HERC3: variants seen among roughly 807,000 people sequenced by gnomAD.
HERC3 encodes the protein probable E3 ubiquitin-protein ligase HERC3.
Under a neutral mutation model 129.9 loss-of-function variants are expected in HERC3, and 58 were observed. The observed-to-expected ratio is 0.45, with a 90% confidence interval of 0.36 to 0.56. HERC3 has a LOEUF of 0.56. HERC3 is among the 20% of genes least tolerant of loss of function. The probability of loss-of-function intolerance (pLI) is 0.00; values close to 1 mark genes in which losing one functional copy is unlikely to be tolerated. For missense variants in HERC3, 835 were observed against 1,244.2 expected (o/e 0.67, Z 4.95); for synonymous variants, 430 against 451.0 (o/e 0.95, Z 0.59).
chr4:88,625,848 A>G (rs1560690263), intron 3 of HERC3, among the ~76,000 whole-genome samples: 1 of 152,112 alleles, frequency 6.6e-6, no homozygotes. Context: ...TTTTTTTTAA[A>G]TAAAAAATTT....
At chr4:88,697,317 ATCC>A (rs1397593182) in intron 23 of HERC3, 1 of 1,606,876 alleles carries the variant, frequency 6.2e-7, no homozygotes, top group African/African-American at 1.4e-5. Flanking sequence ...CCTCCTCGTC[ATCC>A]TCGTACTCCT....
In HERC3 at chr4:88,664,135, C is replaced by G; in HGVS notation, c.1272-18C>G. On this transcript the variant is annotated intron_variant, in intron 11 of 25. Coordinates refer to ENST00000402738, the MANE Select transcript of HERC3 (RefSeq NM_014606.3). ...GTAATTATTAAAGGCTTCCCCCTCC[C>G]TTCTTTTCTTTGAGCAGTGGTGTTG... 2 of 1,604,630 alleles carry G rather than the reference C, an allele frequency of 1.2e-6. No individual in the cohort carries two copies. The highest frequency in any genetic ancestry group is 1.7e-6 in the Non-Finnish European group (2 of 1,174,830).
At chr4:88,580,061 A>C in the HERC3 span, among the ~76,000 whole-genome samples, 2 of 150,010 alleles carry the variant, frequency 1.3e-5, no homozygotes, top group African/African-American at 4.9e-5. Context: ...TAGGCCACTA[A>C]GTTTGGAGTC....
At chr4:88,568,036 T>C in the HERC3 span, among the ~76,000 whole-genome samples, 1 of 152,266 alleles carries the variant, frequency 6.6e-6, no homozygotes, top group Non-Finnish European at 1.5e-5. Context: ...TGCAGACTTG[T>C]AGAGGTATTG....
At chr4:88,530,416 T>C in the HERC3 span, among the ~76,000 whole-genome samples, 1 of 152,236 alleles carries the variant, frequency 6.6e-6, no homozygotes, top group Non-Finnish European at 1.5e-5. Flanking sequence ...CGTGTATTCA[T>C]TCAACATTTG....
upstream of HERC3, among the ~76,000 whole-genome samples, chr4:88,590,441 C>T (rs538421327): frequency 2.2e-4 from 34 of 152,266 alleles, no homozygotes; most frequent in East Asian, 5.6e-3. Context: ...CGCCTGTAGT[C>T]CCAGTTACTC....
chr4:88,538,802 C>T, the HERC3 span, among the ~76,000 whole-genome samples: 2 of 152,140 alleles, frequency 1.3e-5, no homozygotes, highest in Admixed American at 1.3e-4. Flanking sequence ...CTCGGCCTCC[C>T]AAAGTGCTGG....
chr4:88,696,411 C>T (rs900687453), intron 23 of HERC3: 9 of 152,534 alleles, frequency 5.9e-5, no homozygotes, highest in South Asian at 4.1e-4. Context: ...ATTTCTAAAA[C>T]GCTAGGTAAA....
At chr4:88,657,277 T>C (rs539798116) in intron 9 of HERC3, 2 of 152,348 alleles carry the variant, frequency 1.3e-5, no homozygotes, top group Middle Eastern at 6.8e-3. Context: ...ACAAACTCTT[T>C]TCCTTTTTGT....
At chr4:88,666,517 G>A (rs976939450) in intron 12 of HERC3, among the ~76,000 whole-genome samples, 1 of 152,164 alleles carries the variant, frequency 6.6e-6, no homozygotes, top group South Asian at 2.1e-4. Context: ...ATAGGGTTCC[G>A]ATACATATAA....
At chr4:88,585,836 A>T in the HERC3 span, among the ~76,000 whole-genome samples, 5,101 of 152,232 alleles carry the variant, frequency 0.034, 284 homozygotes, top group East Asian at 0.27. Flanking sequence ...TAACTAGAAG[A>T]TTTTAACATT....
upstream of HERC3, among the ~76,000 whole-genome samples, chr4:88,588,745 C>T (rs1002499581): frequency 1.3e-5 from 2 of 152,326 alleles, no homozygotes; most frequent in African/African-American, 4.8e-5. Context: ...AACAGTATTA[C>T]CATTCTATTG....
chr4:88,586,223 C>T, the HERC3 span, among the ~76,000 whole-genome samples: 4 of 152,032 alleles, frequency 2.6e-5, no homozygotes, highest in East Asian at 1.9e-4. Flanking sequence ...ATCCGTTTTG[C>T]GTATGCCATG....
At chr4:88,673,417 C>T (rs1336096943) in intron 16 of HERC3, among the ~76,000 whole-genome samples, 1 of 152,152 alleles carries the variant, frequency 6.6e-6, no homozygotes, top group Admixed American at 6.5e-5. Flanking sequence ...TTTTTCTGTT[C>T]TATCCCATTT....
intron 3 of HERC3, among the ~76,000 whole-genome samples, chr4:88,619,580 G>A (rs1725292310): frequency 6.6e-6 from 1 of 152,180 alleles, no homozygotes; most frequent in African/African-American, 2.4e-5. Flanking sequence ...TTTCAACGTG[G>A]TCCTGAAGCC....
Position 88,658,430 on chromosome 4 carries a change from A to G in HERC3, c.1085A>G (p.His362Arg), listed in dbSNP as rs1187622495. Reference protein sequence around the residue: ...LSARADRFKYHIVKQIFSGGD... With the variant: ...LSARADRFKYRIVKQIFSGGD... ...TTTTTGACAGATCGCTTTAAATATC[A>G]TATCGTTAAGCAGATCTTCTCTGGA... Residue 362 changes from histidine (H) to arginine (R), a missense_variant, in exon 10 of 26, where the codon CAT becomes CGT. Physicochemically the swap from His to Arg is conservative, Grantham distance 29. Coordinates refer to ENST00000402738, the MANE Select transcript of HERC3 (RefSeq NM_014606.3). 1.3e-6 allele frequency: 2 copies of G among 1,592,224 alleles called. No individual in the cohort carries two copies. Among genetic ancestry groups the G allele is most frequent in the East Asian group, 4.5e-5 (2 of 44,578 alleles).
chr4:88,526,537 TTTTTA>T, the HERC3 span, among the ~76,000 whole-genome samples: 1 of 152,202 alleles, frequency 6.6e-6, no homozygotes, highest in Non-Finnish European at 1.5e-5. Context: ...TTATTTTTTA[TTTTTA>T]TTTTATTTTC....
the HERC3 span, among the ~76,000 whole-genome samples, chr4:88,587,098 T>C: frequency 2.0e-5 from 3 of 152,194 alleles, no homozygotes; most frequent in Non-Finnish European, 4.4e-5. Flanking sequence ...CTTTTACCTA[T>C]ATGTAGGCTG....
chr4:88,604,984 A>G (rs112126233), intron 2 of HERC3, among the ~76,000 whole-genome samples: 5 of 152,358 alleles, frequency 3.3e-5, no homozygotes, highest in African/African-American at 1.2e-4. Context: ...TGAATTGTTA[A>G]AAGGTAATGA....
Sources: allele counts gnomAD v4.1 joint callset (sites outside exome capture counted in the v4.1 genomes callset), GRCh38; gene constraint gnomAD v4.1.1; transcripts MANE v1.5; gene names NCBI Gene and HGNC (gene_info 2026-07-23, HGNC 2026-07-21).